The following HOMER1 variants were observed in gnomAD, a reference collection of about 807,000 sequenced individuals.
HOMER1 encodes the protein homer scaffold protein 1, also known as homer protein homolog 1.
In HOMER1, 3 loss-of-function variants were observed where a neutral mutation model predicts 48.9. The ratio of observed to expected loss-of-function variants is 0.06; its 90% CI spans 0.03 to 0.16. HOMER1 has a LOEUF of 0.16. HOMER1 is among the 10% of genes least tolerant of loss of function. The pLI, the probability that HOMER1 is intolerant of heterozygous loss-of-function variation, is 1.00. For missense variants in HOMER1, 247 were observed against 411.4 expected (o/e 0.60, Z 3.46); for synonymous variants, 134 against 146.4 (o/e 0.92, Z 0.61).
intron 1 of HOMER1, among the ~76,000 whole-genome samples, chr5:79,484,045 CAAA>C (rs34704866): frequency 4.2e-5 from 3 of 72,264 alleles, no homozygotes; most frequent in Middle Eastern, 0.01. Context: ...GACTCCATCT[CAAA>C]AAAAAAAAAA....
intron 6 of HOMER1, among the ~76,000 whole-genome samples, chr5:79,398,836 C>T (rs1000705376): frequency 2.5e-4 from 38 of 152,122 alleles, no homozygotes; most frequent in Non-Finnish European, 2.9e-4. Context: ...ATATTCATTC[C>T]CAACTTGTTG....
chr5:79,405,255 C>A (rs557010424), intron 5 of HOMER1, among the ~76,000 whole-genome samples: 1 of 152,118 alleles, frequency 6.6e-6, no homozygotes, highest in Admixed American at 6.6e-5. Context: ...ATCTACAAGA[C>A]GAGGAGAGAG....
At chr5:79,469,694 G>A (rs1200444227) in intron 1 of HOMER1, among the ~76,000 whole-genome samples, 1 of 151,868 alleles carries the variant, frequency 6.6e-6, no homozygotes, top group Non-Finnish European at 1.5e-5. Context: ...TAAGAGATGG[G>A]GTTATGTTGC....
At chr5:79,432,309 C>A (rs1041266841) in intron 5 of HOMER1, among the ~76,000 whole-genome samples, 1 of 152,140 alleles carries the variant, frequency 6.6e-6, no homozygotes, top group Admixed American at 6.6e-5. Context: ...TTTTTTAAAG[C>A]CCTCCACAAG....
intron 1 of HOMER1, among the ~76,000 whole-genome samples, chr5:79,492,906 TC>T (rs2112361004): frequency 8.4e-6 from 1 of 118,452 alleles, no homozygotes; most frequent in South Asian, 3.0e-4. Context: ...GAAAACTTTG[TC>T]TTTTTTTTTT....
chr5:79,402,113 G>A, intron 5 of HOMER1, 58 bp from the exon 6 acceptor site: 1 of 1,410,656 alleles, frequency 7.1e-7, no homozygotes, highest in Non-Finnish European at 9.8e-7. Flanking sequence ...TACCTTGAAG[G>A]GACAGCAAGA....
chr5:79,490,269 T>C (rs868017109), intron 1 of HOMER1, among the ~76,000 whole-genome samples: 7 of 152,348 alleles, frequency 4.6e-5, no homozygotes, highest in Middle Eastern at 6.8e-3. Context: ...TTTTAGGTAA[T>C]ATGAGCTTCT....
At chr5:79,458,500 C>T (rs566088398) in intron 1 of HOMER1, among the ~76,000 whole-genome samples, 1 of 151,804 alleles carries the variant, frequency 6.6e-6, no homozygotes, top group African/African-American at 2.4e-5. Context: ...AGAAAAACGG[C>T]AAGGCAAATC....
chr5:79,508,006 G>A (rs1007998763), intron 1 of HOMER1, among the ~76,000 whole-genome samples: 17 of 152,068 alleles, frequency 1.1e-4, no homozygotes, highest in South Asian at 2.1e-4. Context: ...TCCCCACTTC[G>A]GAACCTTCCA....
chr5:79,444,668 C>T (rs1273976452), intron 4 of HOMER1, among the ~76,000 whole-genome samples: 4 of 152,220 alleles, frequency 2.6e-5, no homozygotes, highest in South Asian at 2.1e-4. Context: ...ATTAGAGAAA[C>T]GGGAACTAAG....
At chr5:79,461,909 T>C (rs1473319245) in intron 1 of HOMER1, among the ~76,000 whole-genome samples, 3 of 152,090 alleles carry the variant, frequency 2.0e-5, no homozygotes, top group African/African-American at 4.8e-5. Flanking sequence ...TAAAGACAAA[T>C]AGATCCATGC....
At chr5:79,509,348 A>ATT (rs1224962199) in intron 1 of HOMER1, among the ~76,000 whole-genome samples, 1 of 152,178 alleles carries the variant, frequency 6.6e-6, no homozygotes, top group Non-Finnish European at 1.5e-5. Context: ...ACCATTGCTG[A>ATT]TGGCACTAGG....
At chr5:79,379,142 AAAATTATT>A (rs1748872176) in intron 8 of HOMER1, among the ~76,000 whole-genome samples, 1 of 107,312 alleles carries the variant, frequency 9.3e-6, no homozygotes, top group African/African-American at 3.6e-5. Flanking sequence ...TTTATATATA[AAAATTATT>A]TATATAAATA....
intron 1 of HOMER1, among the ~76,000 whole-genome samples, chr5:79,497,059 CA>C (rs5868996): frequency 0.014 from 765 of 52,782 alleles, 1 homozygote; most frequent in African/African-American, 0.05. Context: ...GACTTTGTCT[CA>C]AAAAAAAAAA....
chr5:79,461,093 T>C (rs1751305925), intron 1 of HOMER1, among the ~76,000 whole-genome samples: 1 of 152,168 alleles, frequency 6.6e-6, no homozygotes. Flanking sequence ...CATGCAGAGT[T>C]TGGGGAATCA....
At chr5:79,392,425 AAAAG>A (rs975346657) in intron 8 of HOMER1, among the ~76,000 whole-genome samples, 1 of 152,172 alleles carries the variant, frequency 6.6e-6, no homozygotes, top group Non-Finnish European at 1.5e-5. Flanking sequence ...TTCGTTTTTT[AAAAG>A]AAGTTTAAAA....
At chr5:79,425,884 G>A (rs1294800511) in intron 5 of HOMER1, among the ~76,000 whole-genome samples, 1 of 151,924 alleles carries the variant, frequency 6.6e-6, no homozygotes, top group Non-Finnish European at 1.5e-5. Flanking sequence ...ATTAGAAAAA[G>A]CAAGTAAGCC....
At chr5:79,406,376 G>A (rs2112226878) in intron 5 of HOMER1, among the ~76,000 whole-genome samples, 1 of 152,270 alleles carries the variant, frequency 6.6e-6, no homozygotes, top group East Asian at 1.9e-4. Context: ...ACAATTTCAT[G>A]TTTGGAGTGG....
At chr5:79,404,998 C>T (rs547147955) in intron 5 of HOMER1, among the ~76,000 whole-genome samples, 4 of 152,146 alleles carry the variant, frequency 2.6e-5, no homozygotes, top group East Asian at 1.9e-4. Flanking sequence ...CATGAGCCAT[C>T]GTGCCCGGTC....
Sources: allele counts gnomAD v4.1 joint callset (sites outside exome capture counted in the v4.1 genomes callset), GRCh38; gene constraint gnomAD v4.1.1; transcripts MANE v1.5; gene names NCBI Gene and HGNC (gene_info 2026-07-23, HGNC 2026-07-21).